The following EPB41L4A variants were observed in gnomAD, a reference collection of about 807,000 sequenced individuals.
EPB41L4A encodes erythrocyte membrane protein band 4.1 like 4A.
EPB41L4A carries 100 observed loss-of-function variants against 108.6 expected under a neutral mutation model. The observed-to-expected ratio is 0.92, with a 90% CI of 0.78 to 1.09. The LOEUF is 1.09. Ranked by LOEUF, EPB41L4A falls within the 50% of genes least tolerant of loss-of-function variation. The pLI, the probability that EPB41L4A is intolerant of heterozygous loss-of-function variation, is 0.00. For synonymous variants in EPB41L4A, 319 were observed against 289.0 expected (o/e 1.10, Z -1.05); for missense variants, 1,030 against 842.7 (o/e 1.22, Z -2.75).
intron 2 of EPB41L4A, among the ~76,000 whole-genome samples, chr5:112,288,954 T>G (rs956587029): frequency 1.3e-5 from 2 of 151,842 alleles, no homozygotes; most frequent in Non-Finnish European, 2.9e-5. Context: ...TCACAATAAA[T>G]AAGAATATTG....
At chr5:112,326,530 G>A (rs563635769) in intron 1 of EPB41L4A, among the ~76,000 whole-genome samples, 1 of 152,230 alleles carries the variant, frequency 6.6e-6, no homozygotes, top group African/African-American at 2.4e-5. Flanking sequence ...ATTGCTATTA[G>A]AACAAAAGTT....
chr5:112,326,257 G>A (rs960991741), intron 1 of EPB41L4A, among the ~76,000 whole-genome samples: 16 of 151,806 alleles, frequency 1.1e-4, no homozygotes, highest in Non-Finnish European at 5.9e-5. Context: ...GTGGAGGGTC[G>A]GTGCCCCCAA....
chr5:112,194,327 A>AAC (rs143519632), intron 17 of EPB41L4A, among the ~76,000 whole-genome samples: 16,962 of 150,986 alleles, frequency 0.11, 1,001 homozygotes, highest in Middle Eastern at 0.17. Flanking sequence ...CATCTTTTAA[A>AAC]ACACACACAC....
intron 1 of EPB41L4A, among the ~76,000 whole-genome samples, chr5:112,414,815 G>A (rs1435192150): frequency 2.6e-5 from 4 of 151,798 alleles, no homozygotes; most frequent in East Asian, 1.9e-4. Context: ...CATCTTATGC[G>A]GCCACAACCT....
At chr5:112,191,340 G>A (rs1761689465) in intron 17 of EPB41L4A, among the ~76,000 whole-genome samples, 1 of 152,042 alleles carries the variant, frequency 6.6e-6, no homozygotes, top group Non-Finnish European at 1.5e-5. Context: ...GGACCCAAAG[G>A]GGACAGACAG....
chr5:112,306,668 A>C (rs1754702939), intron 2 of EPB41L4A, among the ~76,000 whole-genome samples: 2 of 152,206 alleles, frequency 1.3e-5, no homozygotes, highest in South Asian at 4.1e-4. Flanking sequence ...CTGCATAATG[A>C]GGCTGTGCCT....
At chr5:112,180,734 C>T (rs1428634358) in intron 18 of EPB41L4A, among the ~76,000 whole-genome samples, 2 of 149,876 alleles carry the variant, frequency 1.3e-5, no homozygotes, top group African/African-American at 4.9e-5. Flanking sequence ...AAAGTCTGCT[C>T]ATCAAAAAGC....
intron 1 of EPB41L4A, among the ~76,000 whole-genome samples, chr5:112,333,972 C>T (rs1255117766): frequency 6.6e-6 from 1 of 152,084 alleles, no homozygotes; most frequent in Non-Finnish European, 1.5e-5. Flanking sequence ...TGGAATGGAC[C>T]CTCCTCTCAT....
At chr5:112,278,527 C>T (rs1752756570) in intron 3 of EPB41L4A, among the ~76,000 whole-genome samples, 1 of 152,012 alleles carries the variant, frequency 6.6e-6, no homozygotes, top group Admixed American at 6.6e-5. Flanking sequence ...GCTGGGATTA[C>T]AGGCATAAGA....
intron 1 of EPB41L4A, among the ~76,000 whole-genome samples, chr5:112,383,652 G>T (rs1261999512): frequency 6.6e-6 from 1 of 152,128 alleles, no homozygotes; most frequent in Admixed American, 6.5e-5. Flanking sequence ...ATCAGGATGG[G>T]TGCTGGCCAA....
chr5:112,223,473 G>A (rs929494431), intron 12 of EPB41L4A, among the ~76,000 whole-genome samples: 1 of 152,166 alleles, frequency 6.6e-6, no homozygotes, highest in Non-Finnish European at 1.5e-5. Flanking sequence ...AAGCAAAGGT[G>A]TGGAATCCTC....
chr5:112,156,312 A>G (rs1420927047), intron 12 of EPB41L4A, among the ~76,000 whole-genome samples: 1 of 152,182 alleles, frequency 6.6e-6, no homozygotes, highest in African/African-American at 2.4e-5. Flanking sequence ...TGGCTCATGC[A>G]ATTATGGTAG....
chr5:112,407,006 G>A (rs1466348502), intron 1 of EPB41L4A, among the ~76,000 whole-genome samples: 1 of 152,046 alleles, frequency 6.6e-6, no homozygotes, highest in Non-Finnish European at 1.5e-5. Flanking sequence ...GCATCGTGGG[G>A]CTGAATTAAC....
chr5:112,208,214 C>T (rs1044249082), intron 13 of EPB41L4A, among the ~76,000 whole-genome samples: 4 of 136,930 alleles, frequency 2.9e-5, no homozygotes, highest in Non-Finnish European at 6.1e-5. Context: ...CCACTCCACT[C>T]CATCCTGGCA....
Position 112,403,014 on chromosome 5 carries a change from AC to A in EPB41L4A, c.99+15926del, listed in dbSNP as rs1258500300. Among the ~76,000 whole-genome samples, 16 of 146,400 alleles carry A rather than the reference AC, an allele frequency of 1.1e-4. No individual in the cohort carries two copies. The East Asian group carries it at 3.1e-3, about 28-fold the overall frequency. On this transcript the variant is annotated intron_variant, in intron 1 of 22. Coordinates refer to ENST00000261486, the MANE Select transcript of EPB41L4A (RefSeq NM_022140.5). ...TTTTCTCCCTCTAGCTCACACACAC[AC>A]ACACAAAACCCTCAGCATTTTTAAG...
chr5:112,359,810 G>C (rs1474448306), intron 1 of EPB41L4A, among the ~76,000 whole-genome samples: 1 of 152,174 alleles, frequency 6.6e-6, no homozygotes, highest in Non-Finnish European at 1.5e-5. Context: ...AAAGTGCTGG[G>C]ATTACAGGCG....
intron 12 of EPB41L4A, among the ~76,000 whole-genome samples, chr5:112,210,933 C>T (rs141669424): frequency 3.2e-3 from 459 of 141,600 alleles, no homozygotes; most frequent in African/African-American, 8.4e-3. Context: ...CAATGCATAA[C>T]GGTCACTAAC....
intron 2 of EPB41L4A, among the ~76,000 whole-genome samples, chr5:112,286,804 A>G (rs940865632): frequency 1.3e-5 from 2 of 152,118 alleles, no homozygotes; most frequent in Admixed American, 1.3e-4. Context: ...ACAAAACCAA[A>G]AAACTTTGAC....
At chr5:112,367,703 A>G (rs555761330) in intron 1 of EPB41L4A, among the ~76,000 whole-genome samples, 1 of 152,356 alleles carries the variant, frequency 6.6e-6, no homozygotes, top group East Asian at 1.9e-4. Context: ...CTCTGCATTT[A>G]ATAAAAACAT....
Sources: gnomAD v4.1 joint callset for allele counts (sites outside exome capture counted in the v4.1 genomes callset) on GRCh38, gnomAD v4.1.1 for gene constraint, MANE v1.5 for transcripts, NCBI Gene and HGNC (gene_info 2026-07-23, HGNC 2026-07-21) for gene names.